The following PRKN variants were observed in gnomAD, a reference collection of about 807,000 sequenced individuals.
The protein encoded by PRKN is E3 ubiquitin-protein ligase parkin.
PRKN carries 56 observed loss-of-function variants against 59.5 expected under a neutral mutation model. The ratio of observed to expected loss-of-function variants is 0.94; its 90% CI spans 0.76 to 1.18. PRKN has a LOEUF of 1.18. Among genes scored for constraint, PRKN ranks in the 50% most tolerant of loss-of-function variants. PRKN has a pLI of 0.00. For missense variants in PRKN, 657 were observed against 596.4 expected, an observed-to-expected ratio of 1.10 and a Z score of -1.06; for synonymous variants, 250 against 222.1, an observed-to-expected ratio of 1.13 and a Z score of -1.12.
chr6:162,450,978 C>T (rs1790597435), intron 1 of PRKN, among the ~76,000 whole-genome samples: 1 of 152,052 alleles, frequency 6.6e-6, no homozygotes, highest in African/African-American at 2.4e-5. Context: ...ACTCCCTGTA[C>T]TATTTTTGCA....
chr6:162,139,890 CA>C (rs35011084), intron 4 of PRKN, among the ~76,000 whole-genome samples: 29,820 of 137,684 alleles, frequency 0.22, 3,039 homozygotes, highest in Middle Eastern at 0.26. Context: ...GACTCCATCT[CA>C]AAAAAAAAAA....
At chr6:162,159,235 T>C (rs959150638) in intron 4 of PRKN, among the ~76,000 whole-genome samples, 6 of 150,886 alleles carry the variant, frequency 4.0e-5, no homozygotes, top group African/African-American at 1.2e-4. Flanking sequence ...ATCACACAGA[T>C]ACTCATACGT....
At chr6:161,794,744 TC>T (rs1171282026) in intron 6 of PRKN, among the ~76,000 whole-genome samples, 1 of 151,992 alleles carries the variant, frequency 6.6e-6, no homozygotes, top group African/African-American at 2.4e-5. Context: ...TAGTCCTTAT[TC>T]CCCCCAAAAC....
intron 1 of PRKN, among the ~76,000 whole-genome samples, chr6:162,512,854 A>G (rs905861245): frequency 3.9e-5 from 6 of 152,178 alleles, no homozygotes; most frequent in African/African-American, 1.4e-4. Context: ...AAAATGAGAA[A>G]ACATTGCAAT....
At chr6:162,299,574 G>T (rs1221103823) in intron 2 of PRKN, among the ~76,000 whole-genome samples, 1 of 151,600 alleles carries the variant, frequency 6.6e-6, no homozygotes, top group Non-Finnish European at 1.5e-5. Context: ...TGTGAACTTG[G>T]CTTTAAATTA....
chr6:162,194,619 T>A (rs1192832051), intron 4 of PRKN, among the ~76,000 whole-genome samples: 1 of 152,162 alleles, frequency 6.6e-6, no homozygotes, highest in East Asian at 1.9e-4. Context: ...AAATTCTAAA[T>A]GTAAACTATC....
chr6:162,222,503 A>C (rs1777980721), intron 3 of PRKN, among the ~76,000 whole-genome samples: 1 of 152,226 alleles, frequency 6.6e-6, no homozygotes, highest in Admixed American at 6.5e-5. Flanking sequence ...CATGGCTGAC[A>C]GCCAGCAAGA....
chr6:161,426,621 A>G (rs1421707303), intron 9 of PRKN, among the ~76,000 whole-genome samples: 1 of 128,994 alleles, frequency 7.8e-6, no homozygotes, highest in African/African-American at 2.8e-5. Flanking sequence ...ATGTGAGTTA[A>G]TACTACTTAA....
At chr6:162,164,662 T>C (rs918951440) in intron 4 of PRKN, among the ~76,000 whole-genome samples, 1 of 149,068 alleles carries the variant, frequency 6.7e-6, no homozygotes, top group Non-Finnish European at 1.5e-5. Context: ...TATTGAAATA[T>C]TTATTATAAT....
chr6:161,900,940 G>A (rs1004205092), intron 6 of PRKN, among the ~76,000 whole-genome samples: 1 of 137,414 alleles, frequency 7.3e-6, no homozygotes, highest in Non-Finnish European at 1.5e-5. Flanking sequence ...TTTTTAGATG[G>A]AGTCTCGCTC....
At chr6:162,108,666 G>A (rs948237908) in intron 4 of PRKN, among the ~76,000 whole-genome samples, 6 of 152,220 alleles carry the variant, frequency 3.9e-5, no homozygotes, top group African/African-American at 1.2e-4. Context: ...CTAGCAGCCA[G>A]TAAAGATGCT....
chr6:162,716,206 A>G (rs1285417418), intron 1 of PRKN, among the ~76,000 whole-genome samples: 1 of 152,238 alleles, frequency 6.6e-6, no homozygotes, highest in Non-Finnish European at 1.5e-5. Flanking sequence ...TAAAAAATTT[A>G]TTCCATATTA....
intron 2 of PRKN, among the ~76,000 whole-genome samples, chr6:162,372,436 G>A (rs967682374): frequency 2.0e-5 from 3 of 152,084 alleles, no homozygotes; most frequent in Non-Finnish European, 2.9e-5. Context: ...CGATCCTCAC[G>A]ACAGCCCTGT....
chr6:162,692,773 A>G (rs908485589), intron 1 of PRKN, among the ~76,000 whole-genome samples: 3 of 152,182 alleles, frequency 2.0e-5, no homozygotes, highest in African/African-American at 7.2e-5. Context: ...TTGAATCTGT[A>G]TCATTTTGCT....
rs1737662417 is a variant in PRKN, at chr6:161,498,236, G to A, written c.1083+50618C>T. On this transcript the variant is annotated intron_variant, in intron 9 of 11. Transcript: ENST00000366898. The surrounding 1 kb of genome is among the most constrained non-coding windows in gnomAD (Gnocchi z 4.2). ...GGATTTTTATTCAGGCTGCAAATCAGTATCATGTTATAGAGTGTATTAATT... is the reference window on the plus strand; with the variant it reads ...GGATTTTTATTCAGGCTGCAAATCAATATCATGTTATAGAGTGTATTAATT... Among the ~76,000 whole-genome samples, 1 of 152,144 alleles carries A rather than the reference G, an allele frequency of 6.6e-6. No individual in the cohort carries two copies. The highest frequency in any genetic ancestry group is 2.1e-4 in the South Asian group (1 of 4,830).
chr6:161,576,309 C>G lies in PRKN; in HGVS notation c.872-6893G>C, dbSNP rs894369559. ...ATGCATTCTTTCTCCGTAGCCAATA[C>G]TTGCTGTCTCAAGATATCCTAAGCC... is the stretch of plus-strand genomic sequence containing the variant. On this transcript the variant is annotated intron_variant, in intron 7 of 11. Coordinates refer to ENST00000366898, the MANE Select transcript of PRKN (RefSeq NM_004562.3). This position sits in a 1 kb window ranked among gnomAD's most constrained non-coding sequence, Gnocchi z 4.6. Among the ~76,000 whole-genome samples, 2 of 152,146 alleles carry G rather than the reference C, an allele frequency of 1.3e-5. No individual in the cohort carries two copies. Among genetic ancestry groups the G allele is most frequent in the African/African-American group, 4.8e-5 (2 of 41,438 alleles).
intron 1 of PRKN, among the ~76,000 whole-genome samples, chr6:162,626,077 G>A (rs533899066): frequency 2.0e-5 from 3 of 152,210 alleles, no homozygotes; most frequent in East Asian, 1.9e-4. Context: ...AATAGGTATC[G>A]CTGGCAACCA....
chr6:162,599,678 C>T (rs931062274), intron 1 of PRKN, among the ~76,000 whole-genome samples: 11 of 152,118 alleles, frequency 7.2e-5, no homozygotes, highest in African/African-American at 2.7e-4. Flanking sequence ...CGACAGCACA[C>T]GTGGCCATTC....
intron 1 of PRKN, among the ~76,000 whole-genome samples, chr6:162,601,041 AG>A (rs1264077844): frequency 6.6e-6 from 1 of 152,244 alleles, no homozygotes; most frequent in Non-Finnish European, 1.5e-5. Flanking sequence ...TATAAATTAC[AG>A]AAGTTTATTG....
Sources: allele counts gnomAD v4.1 joint callset (sites outside exome capture counted in the v4.1 genomes callset), GRCh38; gene constraint gnomAD v4.1.1; non-coding constraint Gnocchi (gnomAD v3.1); transcripts MANE v1.5; gene names NCBI Gene and HGNC (gene_info 2026-07-23, HGNC 2026-07-21).